The following GAN variants were observed in gnomAD, a reference collection of about 807,000 sequenced individuals.
GAN encodes the protein epididymis secretory sperm binding protein.
A neutral mutation model predicts 71.3 loss-of-function variants in GAN; 48 were observed. The observed-to-expected ratio is 0.67, with a 90% CI of 0.53 to 0.86. The LOEUF is 0.86. GAN is among the 40% of genes least tolerant of loss of function. The pLI is 0.00. For synonymous variants in GAN, 386 were observed against 276.8 expected, an observed-to-expected ratio of 1.39 and a Z score of -3.92; for missense variants, 928 against 770.1, an observed-to-expected ratio of 1.21 and a Z score of -2.43.
At position 81,390,807 on chromosome 16, in the gene GAN, G is replaced by C. The variant is rs1464798465; in HGVS notation, c.*13211G>C. On this transcript the variant is annotated 3_prime_UTR_variant, in exon 11 of 11. Transcript: ENST00000648994. ...CTAATAAAATAATTTGATGGGGAAG[G>C]CATTCTAATTGTTTCTGATTTTTAG... is the stretch of plus-strand genomic sequence containing the variant. 2 of 152,174 alleles carry C rather than the reference G, an allele frequency of 1.3e-5. No homozygotes were observed. Among genetic ancestry groups the C allele is most frequent in the Non-Finnish European group, 2.9e-5 (2 of 68,036 alleles). The allele number at this position is 152,174 out of a possible 1,614,324, so 9.4% of individuals were successfully genotyped here. A position where few individuals can be genotyped will look rare whatever the true frequency, so the allele number is the denominator to read the frequency against.
At chr16:81,365,671 T>G (rs965818762) in intron 9 of GAN, among the ~76,000 whole-genome samples, 193 bp downstream of exon 9, 8 of 150,946 alleles carry the variant, frequency 5.3e-5, no homozygotes, top group Admixed American at 3.3e-4. Flanking sequence ...AAATAGAAAA[T>G]ATCTCTAATA....
chr16:81,329,257 A>G (rs996553998), intron 1 of GAN, among the ~76,000 whole-genome samples: 1 of 151,546 alleles, frequency 6.6e-6, no homozygotes, highest in Non-Finnish European at 1.5e-5. Context: ...GGCGTGTAGG[A>G]GATGTGCACA....
chr16:81,386,588 T>G lies in GAN; in HGVS notation c.*8992T>G, dbSNP rs1904408649. 1 of 152,260 alleles carries G rather than the reference T, an allele frequency of 6.6e-6. No individual in the cohort carries two copies. Among genetic ancestry groups the G allele is most frequent in the African/African-American group, 2.4e-5 (1 of 41,464 alleles). The allele number at this position is 152,260 out of a possible 1,614,324, so 9.4% of individuals were successfully genotyped here. On this transcript the variant is annotated 3_prime_UTR_variant, in exon 11 of 11. Transcript: ENST00000648994. ...CTGGCAGAGGTAGGAGTATATAATG[T>G]GCTCAGCTTGTCTTGATTTCAATAA...
chr16:81,344,415 C>T (rs989680211), intron 1 of GAN, among the ~76,000 whole-genome samples: 1 of 152,126 alleles, frequency 6.6e-6, no homozygotes, highest in South Asian at 2.1e-4. Context: ...TGGTACCAAA[C>T]AGATATATAG....
chr16:81,357,265 C>T (rs1198093403), intron 4 of GAN, among the ~76,000 whole-genome samples: 1 of 152,182 alleles, frequency 6.6e-6, no homozygotes, highest in Admixed American at 6.6e-5. Context: ...TCTCCCTCCA[C>T]CCCGCAACAG....
At chr16:81,370,372 C>T (rs1911001302) in intron 9 of GAN, among the ~76,000 whole-genome samples, 1 of 152,144 alleles carries the variant, frequency 6.6e-6, no homozygotes, top group African/African-American at 2.4e-5. Context: ...AGTCAAGTGG[C>T]AAAAACCACA....
chr16:81,375,215 C>G (rs1165490067), intron 9 of GAN, among the ~76,000 whole-genome samples: 1 of 149,426 alleles, frequency 6.7e-6, no homozygotes, highest in African/African-American at 2.5e-5. Flanking sequence ...ATTTATCTAG[C>G]AAAGTATCTA....
In GAN at chr16:81,380,142, G is replaced by T. The variant is rs1904298066; in HGVS notation, c.*2546G>T. Reference sequence around the variant, plus strand: ...AATCATGACTCTTTTGTAAATTACAGTTATTTCAGTATTGTAAAATAAATG... The same window carrying T: ...AATCATGACTCTTTTGTAAATTACATTTATTTCAGTATTGTAAAATAAATG... On this transcript the variant is annotated 3_prime_UTR_variant, in exon 11 of 11. Transcript: ENST00000648994. The T allele has an allele frequency of 6.6e-6, 1 of 152,462 alleles. No individual in the cohort carries two copies. The highest frequency in any genetic ancestry group is 2.4e-5 in the African/African-American group (1 of 41,396). The allele number at this position is 152,462 out of a possible 1,614,324, so 9.4% of individuals were successfully genotyped here. A position where few individuals can be genotyped will look rare whatever the true frequency, so the allele number is the denominator to read the frequency against.
Position 81,354,477 on chromosome 16 carries a change from AC to A in GAN, c.358del (p.Leu120CysfsTer52). 1 of 1,614,064 alleles carries A rather than the reference AC, an allele frequency of 6.2e-7. No homozygotes were observed. On this transcript the variant is annotated frameshift_variant, in exon 3 of 11. Transcript: ENST00000648994. LOFTEE classifies it high-confidence loss of function. ...CCTGCTGCTACTGACGGACCTTAAA[AC>A]CCTGTGCTGTGAGTTTTTGGAAGGC... is the stretch of plus-strand genomic sequence containing the variant. ...ADLLLLTDLK[T>X]LCCEFLEGCI...
At chr16:81,377,381 C>G in intron 10 of GAN, 34 bp from the exon 11 acceptor site, 1 of 1,605,024 alleles carries the variant, frequency 6.2e-7, no homozygotes, top group Non-Finnish European at 8.5e-7. Context: ...ATTCTGGGTA[C>G]ATTTTCTCAC....
chr16:81,360,069 AGATG>A (rs1226450837), intron 5 of GAN, among the ~76,000 whole-genome samples: 2 of 102,850 alleles, frequency 1.9e-5, no homozygotes, highest in African/African-American at 3.5e-5. Flanking sequence ...ATGGATGGAT[AGATG>A]GATGGACAGA....
intron 9 of GAN, among the ~76,000 whole-genome samples, chr16:81,375,379 C>T (rs892450581): frequency 2.0e-5 from 3 of 146,554 alleles, no homozygotes; most frequent in African/African-American, 7.6e-5. Flanking sequence ...CACTTTTGCC[C>T]AGGCTGAAGT....
At chr16:81,366,757 T>C (rs1416953690) in intron 9 of GAN, among the ~76,000 whole-genome samples, 1 of 152,220 alleles carries the variant, frequency 6.6e-6, no homozygotes, top group Non-Finnish European at 1.5e-5. Flanking sequence ...ATTTTCAGAC[T>C]TCTCTACATT....
rs1904506282 is a variant in GAN at position 81,389,599 on chromosome 16, C to G, written c.*12003C>G. On this transcript the variant is annotated 3_prime_UTR_variant, in exon 11 of 11. Transcript: ENST00000648994. ...CAGTGACAGTGATGTCTGTACCTAT[C>G]TGTGAGTGAGACCCATTCATGACAC... 6.6e-6 allele frequency: 1 copy of G among 152,258 alleles called. No individual in the cohort carries two copies. The highest frequency in any genetic ancestry group is 1.5e-5 in the Non-Finnish European group (1 of 68,046). The allele number at this position is 152,258 out of a possible 1,614,324, so 9.4% of individuals were successfully genotyped here. A position where few individuals can be genotyped will look rare whatever the true frequency, so the allele number is the denominator to read the frequency against.
At chr16:81,319,916 A>G (rs1484690344) in intron 1 of GAN, among the ~76,000 whole-genome samples, 2 of 152,170 alleles carry the variant, frequency 1.3e-5, no homozygotes, top group African/African-American at 4.8e-5. Flanking sequence ...CCTCATGTGT[A>G]TGTGTTGTGA....
chr16:81,344,693 G>C (rs1280957145), intron 1 of GAN, among the ~76,000 whole-genome samples: 2 of 152,082 alleles, frequency 1.3e-5, no homozygotes, highest in Non-Finnish European at 2.9e-5. Context: ...TCAAGACAAA[G>C]GCATGGGCAA....
intron 9 of GAN, among the ~76,000 whole-genome samples, chr16:81,370,805 T>TA (rs1422734808): frequency 1.3e-5 from 2 of 152,278 alleles, no homozygotes; most frequent in Admixed American, 6.5e-5. Flanking sequence ...CATTGATTCC[T>TA]ACACTCATCT....
At chr16:81,352,022 C>G (rs1309722330) in intron 2 of GAN, among the ~76,000 whole-genome samples, 1 of 152,104 alleles carries the variant, frequency 6.6e-6, no homozygotes, top group Non-Finnish European at 1.5e-5. Context: ...CTTTGGAATC[C>G]CGATTCCAGT....
At chr16:81,331,236 G>A (rs1332862753) in intron 1 of GAN, among the ~76,000 whole-genome samples, 1 of 152,154 alleles carries the variant, frequency 6.6e-6, no homozygotes, top group Admixed American at 6.5e-5. Flanking sequence ...GTTGAGGAAC[G>A]AGATGCGAAT....
Sources: allele counts gnomAD v4.1 joint callset (sites outside exome capture counted in the v4.1 genomes callset), GRCh38; gene constraint gnomAD v4.1.1; transcripts MANE v1.5; gene names NCBI Gene and HGNC (gene_info 2026-07-23, HGNC 2026-07-21).